SHROOM2: variants seen among roughly 807,000 people sequenced by gnomAD.
SHROOM2 encodes shroom family member 2, also known as protein Shroom2.
A neutral mutation model predicts 75.9 loss-of-function variants in SHROOM2; 33 were observed. The ratio of observed to expected loss-of-function variants is 0.43; its 90% CI spans 0.33 to 0.58. SHROOM2 has a LOEUF of 0.58. SHROOM2 is among the 20% of genes least tolerant of loss of function. SHROOM2 has a pLI of 0.04. For synonymous variants in SHROOM2, 655 were observed against 663.6 expected (o/e 0.99, Z 0.20); for missense variants, 1,434 against 1,461.2 (o/e 0.98, Z 0.30).
At chrX:9,843,379 C>T (rs1315584747) in intron 1 of SHROOM2, among the ~76,000 whole-genome samples, 4 of 110,492 alleles carry the variant, frequency 3.6e-5, no homozygotes, top group Admixed American at 1.9e-4. Context: ...CCTTTTCTGT[C>T]CTGGGATTAA....
intron 1 of SHROOM2, among the ~76,000 whole-genome samples, chrX:9,850,618 C>G (rs1215845659): frequency 1.8e-5 from 2 of 111,202 alleles, no homozygotes; most frequent in East Asian, 5.7e-4. Flanking sequence ...GCGAGTGGAT[C>G]TCTTGAGCTC....
chrX:9,892,749 A>G (rs1269505138), intron 3 of SHROOM2, among the ~76,000 whole-genome samples: 1 of 112,241 alleles, frequency 8.9e-6, no homozygotes, highest in Non-Finnish European at 1.9e-5. Context: ...TCCCTCCCAT[A>G]GATGACAGCC....
intron 1 of SHROOM2, among the ~76,000 whole-genome samples, chrX:9,823,239 C>CTCT (rs1291800116): frequency 1.0e-5 from 1 of 96,387 alleles, no homozygotes; most frequent in African/African-American, 4.1e-5. Flanking sequence ...CCTCCTTCTT[C>CTCT]TCTTCTTCTT....
intron 5 of SHROOM2, among the ~76,000 whole-genome samples, chrX:9,909,194 G>A (rs1023788728): frequency 2.3e-4 from 25 of 110,826 alleles, no homozygotes; most frequent in African/African-American, 8.2e-4. Flanking sequence ...CAACAGTGTG[G>A]GTATGTCATA....
At chrX:9,909,560 C>T (rs1016930835) in intron 5 of SHROOM2, among the ~76,000 whole-genome samples, 2 of 112,071 alleles carry the variant, frequency 1.8e-5, no homozygotes, top group South Asian at 3.7e-4. Context: ...TCAGGGCCAA[C>T]GTTGACAGGT....
intron 5 of SHROOM2, among the ~76,000 whole-genome samples, chrX:9,931,707 A>G (rs1217537442): frequency 9.0e-6 from 1 of 111,616 alleles, no homozygotes; most frequent in Non-Finnish European, 1.9e-5. Flanking sequence ...GGTTTTATTA[A>G]AGAATTGATT....
Position 9,895,840 on chromosome X carries a change from C to A in SHROOM2, c.1932C>A (p.Ser644Arg). ...TGCATAGAGCCAAGCTGCAGAAGAG[C>A]CGGAGCACAGTGGCTCTGACTGCAG... is the stretch of plus-strand genomic sequence containing the variant. ...IQMHRAKLQK[S>R]RSTVALTAAG... Residue 644 changes from serine (S) to arginine (R), a missense_variant, in exon 4 of 10, where the codon AGC becomes AGA. This residue lies in a region of SHROOM2 where 1,340 missense variants were observed against 1,338.3 expected (regional missense o/e 1.00). Coordinates refer to ENST00000380913, the MANE Select transcript of SHROOM2 (RefSeq NM_001649.4). 1.7e-6 allele frequency: 2 copies of A among 1,204,565 alleles called. No homozygotes were observed. The highest frequency in any genetic ancestry group is 2.2e-6 in the Non-Finnish European group (2 of 891,591).
At chrX:9,799,143 C>T (rs1029285157) in intron 1 of SHROOM2, among the ~76,000 whole-genome samples, 1 of 94,660 alleles carries the variant, frequency 1.1e-5, no homozygotes, top group African/African-American at 4.4e-5. Flanking sequence ...TTTGCCTTTA[C>T]GGAGAGTTTA....
rs749544734 is a variant in SHROOM2 at position 9,891,015 on chromosome X, C to A, written c.356C>A (p.Ala119Asp). The A allele has an allele frequency of 9.1e-5, 109 of 1,203,744 alleles. No individual in the cohort carries two copies. Among genetic ancestry groups the A allele is most frequent in the Non-Finnish European group, 1.2e-4 (108 of 892,115 alleles). ...GGCTGGAGGCCTCACTCCTGGCATG[C>A]CACCAAGTTCTCTGACAGCCACCCC... The part of the protein sequence containing the change: ...ELGWRPHSWH[A>D]TKFSDSHPEL... Residue 119 changes from alanine to aspartate, a missense_variant, in exon 3 of 10, where the codon GCC (alanine) becomes GAC (aspartate). This residue lies in a region of SHROOM2 where 1,340 missense variants were observed against 1,338.3 expected (regional missense o/e 1.00). Coordinates refer to ENST00000380913, the MANE Select transcript of SHROOM2 (RefSeq NM_001649.4).
chrX:9,852,583 G>A (rs762069647), intron 1 of SHROOM2, among the ~76,000 whole-genome samples: 15 of 112,730 alleles, frequency 1.3e-4, no homozygotes, highest in Admixed American at 3.7e-4. Flanking sequence ...CATAGAGACC[G>A]TCAAGACGCA....
At chrX:9,936,045 C>A (rs2084701499) in intron 6 of SHROOM2, among the ~76,000 whole-genome samples, 1 of 111,205 alleles carries the variant, frequency 9.0e-6, no homozygotes, top group East Asian at 2.8e-4. Context: ...TGTTCTCTCT[C>A]CCCCAGTCTC....
At chrX:9,787,755 A>G (rs1158819250) in intron 1 of SHROOM2, among the ~76,000 whole-genome samples, 3 of 112,004 alleles carry the variant, frequency 2.7e-5, no homozygotes, top group African/African-American at 9.7e-5. Flanking sequence ...TGTCGCTTTT[A>G]TGATTACAAA....
intron 5 of SHROOM2, among the ~76,000 whole-genome samples, chrX:9,909,356 T>C (rs1485220363): frequency 8.9e-6 from 1 of 112,470 alleles, no homozygotes; most frequent in Admixed American, 9.4e-5. Flanking sequence ...AATAGAGAAA[T>C]CTGCTGTGCA....
chrX:9,898,967 G>A (rs2012821), intron 5 of SHROOM2, among the ~76,000 whole-genome samples: 54,690 of 109,558 alleles, frequency 0.5, 11,740 homozygotes, highest in South Asian at 0.69. Context: ...ATCTGTGCTG[G>A]GTGTGGTGGT....
intron 5 of SHROOM2, among the ~76,000 whole-genome samples, chrX:9,907,946 C>T (rs965019289): frequency 1.8e-5 from 2 of 112,156 alleles, no homozygotes; most frequent in Non-Finnish European, 3.8e-5. Context: ...GTTTGCTTGC[C>T]GACCATGTTG....
chrX:9,918,760 G>T (rs2147039645), intron 5 of SHROOM2, among the ~76,000 whole-genome samples: 1 of 112,005 alleles, frequency 8.9e-6, no homozygotes, highest in Non-Finnish European at 1.9e-5. Context: ...AAAGTGCTGG[G>T]ATTACACGCT....
intron 1 of SHROOM2, 33 bp downstream of exon 1, chrX:9,786,743 C>G: frequency 1.2e-6 from 1 of 865,377 alleles, no homozygotes; most frequent in Non-Finnish European, 1.4e-6. Context: ...GCGCTGACAG[C>G]CGGGAGCTGG....
intron 1 of SHROOM2, among the ~76,000 whole-genome samples, chrX:9,872,828 C>T (rs901549065): frequency 8.9e-6 from 1 of 112,045 alleles, no homozygotes; most frequent in African/African-American, 3.2e-5. Flanking sequence ...CTGGAAGCTC[C>T]TCAGGTTGTT....
intron 1 of SHROOM2, among the ~76,000 whole-genome samples, chrX:9,866,842 C>T (rs1259402449): frequency 3.6e-5 from 4 of 111,012 alleles, no homozygotes; most frequent in South Asian, 7.7e-4. Flanking sequence ...TCTTCAGACA[C>T]TCCCCTGCAC....
Sources: allele counts gnomAD v4.1 joint callset (sites outside exome capture counted in the v4.1 genomes callset), GRCh38; gene constraint gnomAD v4.1.1; regional missense constraint gnomAD v4.1.1; transcripts MANE v1.5; gene names NCBI Gene and HGNC (gene_info 2026-07-23, HGNC 2026-07-21).